The following WWOX variants were observed in gnomAD, a reference collection of about 807,000 sequenced individuals.
WWOX encodes the protein WW domain-containing oxidoreductase.
In WWOX, 69 loss-of-function variants were observed where a neutral mutation model predicts 46.2. That is an observed-to-expected ratio of 1.49 (90% CI 1.23 to 1.82). The LOEUF (loss-of-function observed/expected upper bound fraction) is 1.82, where lower values mean the gene tolerates loss of function less well. WWOX is among the 40% of genes most tolerant of loss of function. WWOX has a pLI of 0.00. For missense variants in WWOX, 919 were observed against 542.6 expected, an observed-to-expected ratio of 1.69 and a Z score of -6.89; for synonymous variants, 359 against 202.6, an observed-to-expected ratio of 1.77 and a Z score of -6.56.
intron 8 of WWOX, among the ~76,000 whole-genome samples, chr16:78,881,401 A>G (rs560255799): frequency 1.1e-3 from 162 of 152,348 alleles, no homozygotes; most frequent in Non-Finnish European, 1.7e-3. Flanking sequence ...CAGAACTTCT[A>G]GGAAACTAAT....
intron 8 of WWOX, among the ~76,000 whole-genome samples, chr16:79,058,427 G>A (rs2881550): frequency 0.065 from 9,847 of 152,010 alleles, 615 homozygotes; most frequent in African/African-American, 0.17. Flanking sequence ...ACCATTTATT[G>A]AAAGGGAATG....
chr16:78,131,441 G>A (rs1012737518), intron 4 of WWOX, among the ~76,000 whole-genome samples: 11 of 152,098 alleles, frequency 7.2e-5, no homozygotes, highest in African/African-American at 2.2e-4. Context: ...TCTTGAACTC[G>A]TGGGCTCAAG....
At chr16:78,215,668 C>G (rs2036695214) in intron 5 of WWOX, among the ~76,000 whole-genome samples, 1 of 152,134 alleles carries the variant, frequency 6.6e-6, no homozygotes, top group African/African-American at 2.4e-5. Context: ...TGGCTCATGC[C>G]TGTAATCCCA....
chr16:78,874,998 C>T (rs76090398), intron 8 of WWOX, among the ~76,000 whole-genome samples: 2,422 of 152,204 alleles, frequency 0.016, 53 homozygotes, highest in African/African-American at 0.052. Flanking sequence ...GAGGACTTGG[C>T]CTCTTAAAGG....
At chr16:78,946,150 C>T (rs776251309) in intron 8 of WWOX, among the ~76,000 whole-genome samples, 26 of 152,092 alleles carry the variant, frequency 1.7e-4, no homozygotes, top group Non-Finnish European at 3.1e-4. Flanking sequence ...ACAAGAATGC[C>T]GAGACACCTC....
chr16:78,839,455 C>A (rs1363976239), intron 8 of WWOX, among the ~76,000 whole-genome samples: 1 of 152,150 alleles, frequency 6.6e-6, no homozygotes, highest in Non-Finnish European at 1.5e-5. Flanking sequence ...TTTCTAGGAA[C>A]CCATGTGGAT....
chr16:78,942,217 A>G (rs1210815351), intron 8 of WWOX, among the ~76,000 whole-genome samples: 3 of 152,148 alleles, frequency 2.0e-5, no homozygotes, highest in Non-Finnish European at 4.4e-5. Flanking sequence ...AGTTTGGTAT[A>G]GTCAATTCCC....
intron 6 of WWOX, among the ~76,000 whole-genome samples, chr16:78,402,417 T>C (rs1438086340): frequency 6.6e-6 from 1 of 152,218 alleles, no homozygotes; most frequent in African/African-American, 2.4e-5. Context: ...TTGGCTACTG[T>C]AAAAGATGCT....
In WWOX at chr16:78,818,073, A is replaced by G. The variant is rs142997077; in HGVS notation, c.1056+385321A>G. Among the ~76,000 whole-genome samples, 212 of 152,310 alleles carry G rather than the reference A, an allele frequency of 1.4e-3. 1 individual carries two copies. The highest frequency in any genetic ancestry group is 3.4e-3 in the Middle Eastern group (1 of 292). The stretch of plus-strand genomic sequence containing the variant: ...CAACCTTATGAAGCTAAAAGGGCCC[A>G]TCAGAGCTAATCCCTATTGGGCTAA... On this transcript the variant is annotated intron_variant, in intron 8 of 8. Coordinates refer to ENST00000566780, the MANE Select transcript of WWOX (RefSeq NM_016373.4).
intron 5 of WWOX, among the ~76,000 whole-genome samples, chr16:78,308,116 G>T (rs1044442594): frequency 2.0e-5 from 3 of 152,260 alleles, no homozygotes; most frequent in African/African-American, 7.2e-5. Flanking sequence ...TTTCTCTCAT[G>T]GTGAGAGCTT....
At chr16:79,067,103 G>A (rs1380560755) in intron 8 of WWOX, among the ~76,000 whole-genome samples, 2 of 152,186 alleles carry the variant, frequency 1.3e-5, no homozygotes, top group Non-Finnish European at 2.9e-5. Flanking sequence ...AAGGAGCATA[G>A]CTGGATGCAA....
At chr16:78,497,863 A>G (rs1035642299) in intron 8 of WWOX, among the ~76,000 whole-genome samples, 10 of 63,734 alleles carry the variant, frequency 1.6e-4, no homozygotes, top group Non-Finnish European at 4.3e-4. Flanking sequence ...GAATTATAAA[A>G]AAATTAAAAA....
chr16:78,450,483 G>C (rs1374477198), intron 8 of WWOX, among the ~76,000 whole-genome samples: 1 of 152,108 alleles, frequency 6.6e-6, no homozygotes, highest in Non-Finnish European at 1.5e-5. Context: ...CCTTCTTTCA[G>C]AGAAAAGTTA....
At chr16:78,775,040 T>C (rs968501731) in intron 8 of WWOX, among the ~76,000 whole-genome samples, 9 of 152,120 alleles carry the variant, frequency 5.9e-5, no homozygotes, top group Non-Finnish European at 7.4e-5. Context: ...ATCACAGCCC[T>C]CACTCCTGAG....
intron 8 of WWOX, among the ~76,000 whole-genome samples, chr16:78,845,173 G>T (rs1597711065): frequency 1.4e-5 from 2 of 143,284 alleles, no homozygotes; most frequent in South Asian, 2.2e-4. Flanking sequence ...GTACTTCTAT[G>T]GACTGGTCTT....
At chr16:78,133,489 A>G (rs1462623927) in intron 4 of WWOX, among the ~76,000 whole-genome samples, 1 of 151,520 alleles carries the variant, frequency 6.6e-6, no homozygotes, top group South Asian at 2.1e-4. Context: ...TTGAACTCCT[A>G]ACCTCAAGTG....
At chr16:78,724,988 G>C (rs539355710) in intron 8 of WWOX, among the ~76,000 whole-genome samples, 1 of 152,180 alleles carries the variant, frequency 6.6e-6, no homozygotes, top group East Asian at 1.9e-4. Flanking sequence ...TGGTGATATG[G>C]TTTGGCTGTG....
chr16:78,369,179 G>C (rs2081607568), intron 5 of WWOX, among the ~76,000 whole-genome samples: 1 of 152,058 alleles, frequency 6.6e-6, no homozygotes, highest in African/African-American at 2.4e-5. Context: ...TGTATGCTCA[G>C]GGCTTACTGT....
chr16:78,143,209 A>C (rs2034046760), intron 4 of WWOX, among the ~76,000 whole-genome samples: 1 of 152,206 alleles, frequency 6.6e-6, no homozygotes, highest in South Asian at 2.1e-4. Flanking sequence ...TTCTCTTTAT[A>C]TCTGCTTTCA....
Sources: allele counts gnomAD v4.1 joint callset (sites outside exome capture counted in the v4.1 genomes callset), GRCh38; gene constraint gnomAD v4.1.1; transcripts MANE v1.5; gene names NCBI Gene and HGNC (gene_info 2026-07-23, HGNC 2026-07-21).